MTUS1: variants seen among roughly 807,000 people sequenced by gnomAD.
The protein encoded by MTUS1 is microtubule-associated tumor suppressor 1.
MTUS1 carries 109 observed loss-of-function variants against 120.8 expected under a neutral mutation model. The ratio of observed to expected loss-of-function variants is 0.90; its 90% CI spans 0.77 to 1.06. The LOEUF is 1.06. Ranked by LOEUF, MTUS1 falls within the 50% of genes least tolerant of loss-of-function variation. MTUS1 has a pLI of 0.00. For missense variants in MTUS1, 2,210 were observed against 1,486.3 expected (o/e 1.49, Z -8.01); for synonymous variants, 737 against 550.5 (o/e 1.34, Z -4.74).
At chr8:17,773,915 C>A (rs538337545) in intron 1 of MTUS1, among the ~76,000 whole-genome samples, 1 of 152,182 alleles carries the variant, frequency 6.6e-6, no homozygotes, top group South Asian at 2.1e-4. Context: ...AAGCCAGGGC[C>A]CACAGCACAC....
chr8:17,713,168 T>G, intron 6 of MTUS1, 46 bp downstream of exon 6: 1 of 1,452,780 alleles, frequency 6.9e-7, no homozygotes, highest in Non-Finnish European at 9.6e-7. Context: ...TAACATAACT[T>G]TACAAAAAGA....
chr8:17,716,122 T>C (rs73206203), intron 4 of MTUS1, among the ~76,000 whole-genome samples: 5,079 of 152,310 alleles, frequency 0.033, 117 homozygotes, highest in Non-Finnish European at 0.052. Flanking sequence ...CTGGTTAGCC[T>C]GGCACAGTCC....
intron 4 of MTUS1, chr8:17,722,097 C>G (rs966403004): frequency 1.5e-6 from 2 of 1,319,578 alleles, no homozygotes; most frequent in African/African-American, 3.0e-5. Flanking sequence ...AATGCTTAAT[C>G]CGCAACAGGA....
chr8:17,648,664 C>T (rs576940714), intron 13 of MTUS1, among the ~76,000 whole-genome samples: 1 of 152,320 alleles, frequency 6.6e-6, no homozygotes, highest in East Asian at 1.9e-4. Flanking sequence ...TGGCCGTTAT[C>T]TCCCTCAACA....
intron 5 of MTUS1, 144 bp from the exon 6 acceptor site, chr8:17,713,396 C>A (rs1394158215): frequency 1.2e-5 from 7 of 591,722 alleles, no homozygotes; most frequent in Non-Finnish European, 2.1e-5. Context: ...CGAGATTCAA[C>A]CAACTTTTGT....
At chr8:17,657,070 A>AT (rs1303155993) in intron 8 of MTUS1, among the ~76,000 whole-genome samples, 2 of 148,960 alleles carry the variant, frequency 1.3e-5, no homozygotes, top group East Asian at 3.9e-4. Flanking sequence ...AAAAAAAAAA[A>AT]AAAAAAAAAA....
chr8:17,678,375 AG>A (rs1005647972), intron 7 of MTUS1, among the ~76,000 whole-genome samples: 20 of 149,294 alleles, frequency 1.3e-4, no homozygotes, highest in African/African-American at 4.9e-5. Flanking sequence ...AAAAAGAGAA[AG>A]GTGGAAATCT....
rs57566953 is a variant in MTUS1 at position 17,679,734 on chromosome 8, C to G, written c.2839-4482G>C. Among the ~76,000 whole-genome samples, 503 of 152,152 alleles carry G rather than the reference C, an allele frequency of 3.3e-3. 5 individuals are homozygous for G. The highest frequency in any genetic ancestry group is 9.8e-3 in the African/African-American group (408 of 41,494). On this transcript the variant is annotated intron_variant, in intron 7 of 14. Transcript: ENST00000693296. ...GCCAGACTGGTCTCAAACTCTGGAC[C>G]TCAAGCGATCCACCCGCCTCAGCCT...
At chr8:17,726,556 G>C (rs997762754) in intron 3 of MTUS1, among the ~76,000 whole-genome samples, 3 of 152,112 alleles carry the variant, frequency 2.0e-5, no homozygotes, top group Admixed American at 1.3e-4. Context: ...TTTTGATAAT[G>C]TGTTCTCCCA....
chr8:17,794,841 T>C (rs149670427), intron 1 of MTUS1, among the ~76,000 whole-genome samples: 43 of 152,334 alleles, frequency 2.8e-4, no homozygotes, highest in African/African-American at 1.0e-3. Flanking sequence ...TTCAATGTCA[T>C]CTCAGAAACT....
At chr8:17,752,363 T>C (rs1398253780) in intron 2 of MTUS1, among the ~76,000 whole-genome samples, 3 of 152,192 alleles carry the variant, frequency 2.0e-5, no homozygotes, top group Non-Finnish European at 4.4e-5. Flanking sequence ...ATTAAGAGTA[T>C]GTTGTAATTT....
intron 2 of MTUS1, among the ~76,000 whole-genome samples, chr8:17,749,937 G>C (rs899809587): frequency 2.0e-5 from 3 of 150,750 alleles, no homozygotes; most frequent in Middle Eastern, 3.4e-3. Flanking sequence ...ATATATTACA[G>C]AGTTTGACCC....
At position 17,743,831 on chromosome 8, in the gene MTUS1, A is replaced by C. The variant is rs764578278; in HGVS notation, c.2092-32T>G. On this transcript the variant is annotated intron_variant, in intron 2 of 14. Coordinates refer to ENST00000693296, the MANE Select transcript of MTUS1 (RefSeq NM_001363059.2). ...AAATAACAGTTAAGACTGTAAACCA[A>C]AACTAAAATTCTAAGCCCCCCAACT... The C allele has an allele frequency of 5.0e-6, 8 of 1,586,928 alleles. No individual in the cohort carries two copies. In the South Asian group the frequency reaches 7.8e-5, roughly 16 times the overall value.
intron 12 of MTUS1, among the ~76,000 whole-genome samples, chr8:17,651,373 GATA>G (rs1156985769): frequency 6.6e-6 from 1 of 152,034 alleles, no homozygotes; most frequent in Non-Finnish European, 1.5e-5. Context: ...ACAAAGAAAT[GATA>G]ATGATGACGG....
At chr8:17,696,415 C>A (rs180917052) in intron 6 of MTUS1, among the ~76,000 whole-genome samples, 7 of 152,284 alleles carry the variant, frequency 4.6e-5, no homozygotes, top group Non-Finnish European at 7.3e-5. Context: ...AAACAAAAAT[C>A]TATTTACATC....
chr8:17,788,806 G>T (rs1050143199), intron 1 of MTUS1, among the ~76,000 whole-genome samples: 1 of 152,156 alleles, frequency 6.6e-6, no homozygotes, highest in Admixed American at 6.5e-5. Flanking sequence ...AATTCCATCA[G>T]AAAGTAACCT....
At chr8:17,792,469 ATT>A (rs1485113984) in intron 1 of MTUS1, among the ~76,000 whole-genome samples, 1 of 152,230 alleles carries the variant, frequency 6.6e-6, no homozygotes. Context: ...GAAATGTAGG[ATT>A]TTTCTTACCT....
At chr8:17,758,966 C>A (rs1421454979) in intron 1 of MTUS1, among the ~76,000 whole-genome samples, 1 of 152,202 alleles carries the variant, frequency 6.6e-6, no homozygotes, top group Non-Finnish European at 1.5e-5. Context: ...ACTGCAACGT[C>A]CGCCTCCCGG....
At chr8:17,690,681 G>A (rs1005371803) in intron 6 of MTUS1, among the ~76,000 whole-genome samples, 4 of 151,914 alleles carry the variant, frequency 2.6e-5, no homozygotes, top group Non-Finnish European at 4.4e-5. Context: ...CTAAACTGTC[G>A]ACAAGCAATT....
Sources: gnomAD v4.1 joint callset for allele counts (sites outside exome capture counted in the v4.1 genomes callset) on GRCh38, gnomAD v4.1.1 for gene constraint, MANE v1.5 for transcripts, NCBI Gene and HGNC (gene_info 2026-07-23, HGNC 2026-07-21) for gene names.